The following DUOX1 variants were observed in gnomAD, a reference collection of about 807,000 sequenced individuals.
The protein encoded by DUOX1 is dual oxidase 1, also known as NADPH thyroid oxidase 1.
Under a neutral mutation model 181.8 loss-of-function variants are expected in DUOX1, and 134 were observed. The observed-to-expected ratio is 0.74, with a 90% CI of 0.64 to 0.85. The LOEUF (loss-of-function observed/expected upper bound fraction) is 0.85, where lower values mean the gene tolerates loss of function less well. Among genes scored for constraint, DUOX1 ranks in the 40% least tolerant of loss-of-function variants. DUOX1 has a pLI of 0.00. For missense variants in DUOX1, 1,814 were observed against 2,064.4 expected, an observed-to-expected ratio of 0.88 and a Z score of 2.35; for synonymous variants, 798 against 832.5, an observed-to-expected ratio of 0.96 and a Z score of 0.71.
At position 45,163,612 on chromosome 15, in the gene DUOX1, C is replaced by A. The variant is rs868257022; in HGVS notation, c.4329C>A (p.Asp1443Glu). ...ADIIREVEEN[D>E]HQDLVSVHIY... Reference sequence around the variant, plus strand: ...TCATCCGAGAGGTGGAGGAGAATGACCACCAGGACCTGGTGTCTGTGCACA... The same window carrying A: ...TCATCCGAGAGGTGGAGGAGAATGAACACCAGGACCTGGTGTCTGTGCACA... The change falls in exon 32 of 34, where the codon GAC becomes GAA. Residue 1443 changes from aspartate (D) to glutamate (E), a missense_variant. Physicochemically the swap from Asp to Glu is conservative, Grantham distance 45 (BLOSUM62 2). This residue lies in a region of DUOX1 where 279 missense variants were observed against 381.9 expected (regional missense o/e 0.73). Transcript: ENST00000389037. 1 of 1,614,156 alleles carries A rather than the reference C, an allele frequency of 6.2e-7. No homozygotes were observed. Among genetic ancestry groups the A allele is most frequent in the Middle Eastern group, 1.6e-4 (1 of 6,062 alleles).
intron 27 of DUOX1, among the ~76,000 whole-genome samples, chr15:45,155,033 C>A (rs1433567387): frequency 6.6e-6 from 1 of 152,244 alleles, no homozygotes; most frequent in African/African-American, 2.4e-5. Context: ...GGTGCAGGGA[C>A]AAGGACCAAA....
At chr15:45,161,208 T>C (rs1380151917) in intron 29 of DUOX1, among the ~76,000 whole-genome samples, 1 of 151,336 alleles carries the variant, frequency 6.6e-6, no homozygotes, top group Non-Finnish European at 1.5e-5. Context: ...GGTCAAGAGA[T>C]CGAGACCATC....
At chr15:45,152,630 A>C in intron 25 of DUOX1, 114 bp downstream of exon 25, 4 of 1,051,240 alleles carry the variant, frequency 3.8e-6, no homozygotes, top group Non-Finnish European at 2.8e-6. Flanking sequence ...CTTCTCCATC[A>C]GGATGGAGTT....
At chr15:45,140,817 TA>T (rs1406091539) in intron 12 of DUOX1, 77 bp from the exon 13 acceptor site, 7 of 1,434,812 alleles carry the variant, frequency 4.9e-6, no homozygotes, top group Non-Finnish European at 5.8e-6. Flanking sequence ...TCCCTGGGGC[TA>T]ATCCCTGGGA....
intron 2 of DUOX1, among the ~76,000 whole-genome samples, chr15:45,132,647 G>A (rs186298346): frequency 6.6e-6 from 1 of 152,298 alleles, no homozygotes; most frequent in African/African-American, 2.4e-5. Context: ...GAGAAAACCT[G>A]TAGAAGGATC....
chr15:45,141,888 C>G (rs1177110167), intron 14 of DUOX1, 87 bp from the exon 15 acceptor site: 1 of 1,490,622 alleles, frequency 6.7e-7, no homozygotes, highest in Non-Finnish European at 9.0e-7. Flanking sequence ...GCCCCCACCC[C>G]CTTTCTGCCA....
intron 9 of DUOX1, among the ~76,000 whole-genome samples, chr15:45,137,360 C>CAAA (rs748162336): frequency 0.031 from 1,412 of 45,670 alleles, 149 homozygotes; most frequent in East Asian, 0.23. Context: ...AACTCCATCT[C>CAAA]AAAAAAAAAA....
chr15:45,148,053 TA>T, intron 20 of DUOX1, 56 bp downstream of exon 20: 1 of 1,507,280 alleles, frequency 6.6e-7, no homozygotes, highest in South Asian at 1.1e-5. Flanking sequence ...CCAGGGCAAA[TA>T]GATGGGACCT....
At chr15:45,156,585 A>G (rs1442295834) in intron 28 of DUOX1, among the ~76,000 whole-genome samples, 8 of 152,016 alleles carry the variant, frequency 5.3e-5, no homozygotes, top group African/African-American at 1.9e-4. Context: ...GGCACGCACC[A>G]CCATGCCTGG....
At position 45,144,929 on chromosome 15, in the gene DUOX1, C is replaced by T. The variant is rs763581105; in HGVS notation, c.2171C>T (p.Ala724Val). 4.8e-5 allele frequency: 78 copies of T among 1,612,434 alleles called. No homozygotes were observed. The highest frequency in any genetic ancestry group is 3.9e-4 in the South Asian group (35 of 90,892). ...LLFNLEEERQ[A>V]LVENLRGALK... ...TTTAACTTGGAGGAAGAGCGGCAGG[C>T]GCTGGTGGAAAATCTCCGGGGAGCT... is the stretch of plus-strand genomic sequence containing the variant. The change falls in exon 18 of 34, where the codon GCG becomes GTG. Residue 724 changes from alanine to valine, a missense_variant. Coordinates refer to ENST00000389037, the MANE Select transcript of DUOX1 (RefSeq NM_175940.3).
In DUOX1 at chr15:45,135,518, T is replaced by C. The variant is rs371921052; in HGVS notation, c.540T>C (p.Gly180=). The C allele has an allele frequency of 4.1e-4, 634 of 1,556,048 alleles. 9 individuals carry two copies. In the Middle Eastern group the frequency reaches 4.6e-3, roughly 11 times the overall value. The change falls in exon 6 of 34, where the codon GGT becomes GGC. Residue 180 remains glycine, a synonymous_variant. Transcript: ENST00000389037. ...TGWLDGSAIY[G]SSHSWSDALR... ...GGCTGGACGGCAGCGCCATCTATGG[T>C]TCCTCGCATTCCTGGAGCGACGCGC... is the stretch of plus-strand genomic sequence containing the variant.
rs755292735 is a variant in DUOX1, at chr15:45,162,261, C to T, written c.4132C>T (p.His1378Tyr). 7 of 1,612,926 alleles carry T rather than the reference C, an allele frequency of 4.3e-6. No individual in the cohort carries two copies. The highest frequency in any genetic ancestry group is 4.2e-6 in the Non-Finnish European group (5 of 1,179,338). ...ATTTGGAGAGGGCCACCAGGAGTGG[C>T]ATAAGTTTGAGGTGTCAGTGTTAGT... ...GPFGEGHQEW[H>Y]KFEVSVLVGG... Residue 1378 changes from histidine to tyrosine, a missense_variant, in exon 31 of 34, where the codon CAT becomes TAT. His to Tyr is a moderately conservative substitution (Grantham distance 83, BLOSUM62 2). Around this residue, in one of 5 missense-constraint regions of DUOX1, gnomAD observed 279 missense variants for 381.9 expected, o/e 0.73. Coordinates refer to ENST00000389037, the MANE Select transcript of DUOX1 (RefSeq NM_175940.3).
chr15:45,161,365 G>C (rs1245906842), intron 29 of DUOX1, among the ~76,000 whole-genome samples: 1 of 142,046 alleles, frequency 7.0e-6, no homozygotes, highest in African/African-American at 2.6e-5. Context: ...GTTGCAGTGA[G>C]CTGAGATCGT....
At position 45,136,248 on chromosome 15, in the gene DUOX1, G is replaced by A. The variant is rs2576083; in HGVS notation, c.865-102G>A. On this transcript the variant is annotated intron_variant, in intron 7 of 33. Coordinates refer to ENST00000389037, the MANE Select transcript of DUOX1 (RefSeq NM_175940.3). ...AGTTGCTTCTCCCATGACTGACCCT[G>A]GCTGGTCCTCATCTCCACACGGAAG... The A allele has an allele frequency of 1.9e-6, 3 of 1,563,098 alleles. No homozygotes were observed. The African/African-American group carries it at 4.1e-5, about 21-fold the overall frequency.
intron 5 of DUOX1, 87 bp from the exon 6 acceptor site, chr15:45,135,387 C>A: frequency 6.7e-7 from 1 of 1,502,172 alleles, no homozygotes; most frequent in Non-Finnish European, 8.8e-7. Flanking sequence ...GGCGCCCACT[C>A]CCCAGCCGCG....
chr15:45,131,957 T>G lies in DUOX1; in HGVS notation c.-10T>G, dbSNP rs771387194. The G allele has an allele frequency of 6.2e-7, 1 of 1,614,160 alleles. No homozygotes were observed. The highest frequency in any genetic ancestry group is 2.2e-5 in the East Asian group (1 of 44,878). Reference sequence around the variant, plus strand: ...GACATTCTAATCCCTGAGCCCCTATTATTTTCATCATGGGCTTCTGCCTGG... The same window carrying G: ...GACATTCTAATCCCTGAGCCCCTATGATTTTCATCATGGGCTTCTGCCTGG... On this transcript the variant is annotated 5_prime_UTR_variant, in exon 2 of 34. The change creates a new upstream start codon in the 5' untranslated region. Transcript: ENST00000389037.
At position 45,161,008 on chromosome 15, in the gene DUOX1, G is replaced by T; in HGVS notation, c.3856+18G>T. On this transcript the variant is annotated intron_variant, in intron 29 of 33. Transcript: ENST00000389037. ...GCCCTCAGGTACCAGCCTGGCAGGA[G>T]ATCAGCTTGGTGACACTGAGGGAGC... The T allele has an allele frequency of 6.2e-7, 1 of 1,613,934 alleles. No homozygotes were observed. The highest frequency in any genetic ancestry group is 1.1e-5 in the South Asian group (1 of 91,054).
intron 4 of DUOX1, 45 bp from the exon 5 acceptor site, chr15:45,135,059 G>C: frequency 1.9e-6 from 3 of 1,595,024 alleles, no homozygotes; most frequent in Non-Finnish European, 2.6e-6. Flanking sequence ...AAGAAGGAAA[G>C]TGGCCCTCTG....
rs779455364 is a variant in DUOX1 at position 45,147,578 on chromosome 15, T to C, written c.2468T>C (p.Met823Thr). The C allele has an allele frequency of 8.1e-6, 13 of 1,613,986 alleles. No individual in the cohort carries two copies. In the South Asian group the frequency reaches 1.1e-4, roughly 14 times the overall value. ...CCCCAGGACATGTTTGTGGAGTCCA[T>C]GTTCTCTCTGGCTGACAAGGATGGC... The part of the protein sequence containing the change: ...LKPQDMFVES[M>T]FSLADKDGNG... Residue 823 changes from methionine to threonine, a missense_variant, in exon 19 of 34, where the codon ATG (methionine) becomes ACG (threonine). Around this residue, in one of 5 missense-constraint regions of DUOX1, gnomAD observed 1,064 missense variants for 1,152.9 expected, o/e 0.92. Transcript: ENST00000389037.
Sources: allele counts gnomAD v4.1 joint callset (sites outside exome capture counted in the v4.1 genomes callset), GRCh38; gene constraint gnomAD v4.1.1; regional missense constraint gnomAD v4.1.1; transcripts MANE v1.5; gene names NCBI Gene and HGNC (gene_info 2026-07-23, HGNC 2026-07-21).